The following UNC5B variants were observed in gnomAD, a reference collection of about 807,000 sequenced individuals.
UNC5B encodes the protein netrin receptor UNC5B.
UNC5B carries 56 observed loss-of-function variants against 103.7 expected under a neutral mutation model. The ratio of observed to expected loss-of-function variants is 0.54; its 90% CI spans 0.44 to 0.67. UNC5B has a LOEUF of 0.67. UNC5B is among the 30% of genes least tolerant of loss of function. The pLI, the probability that UNC5B is intolerant of heterozygous loss-of-function variation, is 0.00. For missense variants in UNC5B, 1,194 were observed against 1,284.5 expected (o/e 0.93, Z 1.08); for synonymous variants, 577 against 542.0 (o/e 1.06, Z -0.90).
chr10:71,244,399 C>G (rs949169043), intron 1 of UNC5B, among the ~76,000 whole-genome samples: 1 of 152,218 alleles, frequency 6.6e-6, no homozygotes, highest in Non-Finnish European at 1.5e-5. Flanking sequence ...AAGATGACAC[C>G]TAGCCCCTGG....
chr10:71,267,313 C>T (rs1251397930), intron 1 of UNC5B, among the ~76,000 whole-genome samples: 1 of 152,118 alleles, frequency 6.6e-6, no homozygotes, highest in Non-Finnish European at 1.5e-5. Context: ...CCTCAAGAAG[C>T]GCATGGGATT....
At chr10:71,225,203 A>G (rs1843537260) in intron 1 of UNC5B, among the ~76,000 whole-genome samples, 2 of 152,346 alleles carry the variant, frequency 1.3e-5, no homozygotes, top group South Asian at 4.1e-4. Flanking sequence ...AAGAAGTTGA[A>G]TGCCAGGTAG....
At chr10:71,289,036 G>A in intron 8 of UNC5B, 46 bp downstream of exon 8, 2 of 1,613,940 alleles carry the variant, frequency 1.2e-6, no homozygotes, top group Non-Finnish European at 1.7e-6. Flanking sequence ...GGGGATCCCT[G>A]GTTCTCTTTG....
Position 71,292,538 on chromosome 10 carries a change from A to C in UNC5B, c.1756A>C (p.Lys586Gln), listed in dbSNP as rs1489955530. 1 of 1,604,044 alleles carries C rather than the reference A, an allele frequency of 6.2e-7. No individual in the cohort carries two copies. The highest frequency in any genetic ancestry group is 8.5e-7 in the Non-Finnish European group (1 of 1,175,440). ...CTACGAGATGTATCTACTCATCAAC[A>C]AGGCAGAAAGTACCCTGTGAGTAGA... ...KFYEMYLLIN[K>Q]AESTLPLSEG... The change falls in exon 11 of 17, where the codon AAG becomes CAG. Residue 586 changes from lysine to glutamine, a missense_variant. Coordinates refer to ENST00000335350, the MANE Select transcript of UNC5B (RefSeq NM_170744.5).
chr10:71,252,591 G>A (rs187131647), intron 1 of UNC5B, among the ~76,000 whole-genome samples: 34 of 152,308 alleles, frequency 2.2e-4, no homozygotes, highest in Non-Finnish European at 3.8e-4. Context: ...CAGGCACTGC[G>A]CGAGCTTGTT....
intron 1 of UNC5B, among the ~76,000 whole-genome samples, chr10:71,228,917 C>T (rs1415026866): frequency 1.3e-5 from 2 of 152,222 alleles, no homozygotes; most frequent in Non-Finnish European, 2.9e-5. Flanking sequence ...GGGTTCAGCC[C>T]TAGCCTTTGG....
At chr10:71,293,994 A>C in intron 13 of UNC5B, 61 bp downstream of exon 13, 2 of 1,448,550 alleles carry the variant, frequency 1.4e-6, no homozygotes, top group Non-Finnish European at 1.8e-6. Context: ...TCCCTGCCAG[A>C]ATCCCCCACC....
intron 1 of UNC5B, among the ~76,000 whole-genome samples, chr10:71,250,243 C>T (rs1317692586): frequency 3.3e-5 from 5 of 152,344 alleles, no homozygotes; most frequent in East Asian, 1.9e-4. Flanking sequence ...CCTTTCCCCC[C>T]GGCCCTAGGG....
At chr10:71,245,620 T>C (rs1457835805) in intron 1 of UNC5B, among the ~76,000 whole-genome samples, 1 of 152,160 alleles carries the variant, frequency 6.6e-6, no homozygotes, top group East Asian at 1.9e-4. Context: ...GTAGCCAGCA[T>C]GGCCACAGAC....
intron 1 of UNC5B, among the ~76,000 whole-genome samples, chr10:71,270,784 G>C (rs1376001893): frequency 6.6e-6 from 1 of 152,188 alleles, no homozygotes; most frequent in Non-Finnish European, 1.5e-5. Flanking sequence ...CGGAGTCTAA[G>C]ATTGCAGCTC....
At chr10:71,228,535 C>A (rs1303953975) in intron 1 of UNC5B, among the ~76,000 whole-genome samples, 1 of 152,136 alleles carries the variant, frequency 6.6e-6, no homozygotes, top group Non-Finnish European at 1.5e-5. Context: ...AAGGATCAAG[C>A]CCTCACAGAA....
intron 1 of UNC5B, among the ~76,000 whole-genome samples, chr10:71,259,129 C>G (rs553046600): frequency 5.0e-4 from 76 of 152,302 alleles, no homozygotes; most frequent in Middle Eastern, 3.4e-3. Context: ...GTGGCTCACA[C>G]CTATAATCCC....
At chr10:71,230,490 G>A (rs1032046850) in intron 1 of UNC5B, among the ~76,000 whole-genome samples, 1 of 152,254 alleles carries the variant, frequency 6.6e-6, no homozygotes, top group Non-Finnish European at 1.5e-5. Context: ...CAAGTGACCT[G>A]TGGACCTAGC....
At chr10:71,242,245 C>T (rs1055349355) in intron 1 of UNC5B, among the ~76,000 whole-genome samples, 2 of 152,164 alleles carry the variant, frequency 1.3e-5, no homozygotes, top group South Asian at 2.1e-4. Flanking sequence ...CATGTGACCT[C>T]GCCCCACCTC....
intron 1 of UNC5B, among the ~76,000 whole-genome samples, chr10:71,218,875 C>T (rs1843393656): frequency 6.6e-6 from 1 of 152,200 alleles, no homozygotes; most frequent in African/African-American, 2.4e-5. Flanking sequence ...TGGAGAACCC[C>T]ATCTCAGGCT....
At chr10:71,261,287 A>G (rs535861158) in intron 1 of UNC5B, among the ~76,000 whole-genome samples, 60 of 152,304 alleles carry the variant, frequency 3.9e-4, no homozygotes, top group African/African-American at 1.4e-3. Flanking sequence ...GTGGCTGAGT[A>G]TAGTCCTGTG....
intron 1 of UNC5B, among the ~76,000 whole-genome samples, chr10:71,269,225 C>T (rs186108980): frequency 1.6e-3 from 245 of 151,628 alleles, no homozygotes; most frequent in African/African-American, 5.7e-3. Flanking sequence ...GGGAATGGGG[C>T]GGCTTTTATT....
chr10:71,282,128 G>A (rs776516249), intron 2 of UNC5B, among the ~76,000 whole-genome samples: 9 of 152,214 alleles, frequency 5.9e-5, no homozygotes, highest in Admixed American at 3.3e-4. Context: ...AGAAATTGGG[G>A]CACTGTTGTC....
chr10:71,286,840 G>A lies in UNC5B; in HGVS notation c.704G>A (p.Arg235Gln), dbSNP rs764122864. The A allele has an allele frequency of 2.0e-5, 33 of 1,614,008 alleles. No homozygotes were observed. The African/African-American group carries it at 3.5e-4, about 17-fold the overall frequency. The change falls in exon 5 of 17, where the codon CGG (arginine) becomes CAG (glutamine). Residue 235 changes from arginine (R) to glutamine (Q), a missense_variant. Physicochemically the swap from Arg to Gln is conservative, Grantham distance 43 (BLOSUM62 1). Coordinates refer to ENST00000335350, the MANE Select transcript of UNC5B (RefSeq NM_170744.5). ...GCCAAGAACATCGTGGCCAAACGCC[G>A]GAGCACCACTGCCACCGTCATCGTC... is the stretch of plus-strand genomic sequence containing the variant. ...CVAKNIVAKR[R>Q]STTATVIVYV... is the part of the protein sequence containing the mutation.
Sources: allele counts gnomAD v4.1 joint callset (sites outside exome capture counted in the v4.1 genomes callset), GRCh38; gene constraint gnomAD v4.1.1; transcripts MANE v1.5; gene names NCBI Gene and HGNC (gene_info 2026-07-23, HGNC 2026-07-21).